CTNNA2: variants seen among roughly 807,000 people sequenced by gnomAD.
CTNNA2 encodes catenin alpha 2.
Under a neutral mutation model 101.0 loss-of-function variants are expected in CTNNA2, and 42 were observed. The ratio of observed to expected loss-of-function variants is 0.42; its 90% CI spans 0.32 to 0.54. The LOEUF (loss-of-function observed/expected upper bound fraction) is 0.54. CTNNA2 is among the 20% of genes least tolerant of loss of function. The pLI is 0.14. For missense variants in CTNNA2, 871 were observed against 1,223.1 expected (o/e 0.71, Z 4.29); for synonymous variants, 450 against 456.4 (o/e 0.99, Z 0.18).
intron 7 of CTNNA2, among the ~76,000 whole-genome samples, chr2:79,984,414 G>C (rs993424016): frequency 6.6e-6 from 1 of 152,138 alleles, no homozygotes; most frequent in Admixed American, 6.6e-5. Context: ...GGCTGATTGT[G>C]CTCATTTATC....
At chr2:79,706,314 G>A (rs992063488) in intron 2 of CTNNA2, among the ~76,000 whole-genome samples, 2 of 136,084 alleles carry the variant, frequency 1.5e-5, no homozygotes, top group African/African-American at 5.6e-5. Context: ...AGTGAGCCGA[G>A]ATCACGCCAC....
chr2:79,412,290 A>G (rs896204625), intron 4 of CTNNA2, among the ~76,000 whole-genome samples: 1 of 152,138 alleles, frequency 6.6e-6, no homozygotes, highest in African/African-American at 2.4e-5. Context: ...CCACATAATA[A>G]TAATGGGAGA....
chr2:80,517,171 C>T (rs542876029), intron 9 of CTNNA2, among the ~76,000 whole-genome samples: 1 of 152,306 alleles, frequency 6.6e-6, no homozygotes, highest in East Asian at 1.9e-4. Context: ...AATGGGAGAG[C>T]ATAAGTGTGC....
At chr2:79,555,281 A>C (rs921698651) in intron 1 of CTNNA2, among the ~76,000 whole-genome samples, 2 of 152,148 alleles carry the variant, frequency 1.3e-5, no homozygotes, top group African/African-American at 4.8e-5. Flanking sequence ...ACTGGAATAT[A>C]GTGTAGCTGA....
At chr2:80,080,531 G>T (rs559716269) in intron 7 of CTNNA2, among the ~76,000 whole-genome samples, 7 of 152,210 alleles carry the variant, frequency 4.6e-5, no homozygotes, top group Non-Finnish European at 7.3e-5. Flanking sequence ...AAACATGGGA[G>T]AATAGCTTTG....
chr2:79,933,121 G>T (rs1426904812), intron 7 of CTNNA2, among the ~76,000 whole-genome samples: 2 of 152,078 alleles, frequency 1.3e-5, no homozygotes, highest in African/African-American at 4.8e-5. Context: ...TAGGGTTTTT[G>T]TTTTCTGTGT....
At chr2:79,840,947 T>C (rs1449267135) in intron 3 of CTNNA2, among the ~76,000 whole-genome samples, 2 of 152,108 alleles carry the variant, frequency 1.3e-5, no homozygotes, top group Non-Finnish European at 2.9e-5. Flanking sequence ...TTTTTTGTAT[T>C]TTTAGTAGAG....
At chr2:80,532,476 A>T (rs1034007206) in intron 9 of CTNNA2, among the ~76,000 whole-genome samples, 1 of 152,144 alleles carries the variant, frequency 6.6e-6, no homozygotes, top group Non-Finnish European at 1.5e-5. Context: ...ATGTTCAATT[A>T]ACCCTTATTT....
At chr2:79,369,558 C>G (rs1182494747) in intron 3 of CTNNA2, among the ~76,000 whole-genome samples, 4 of 152,158 alleles carry the variant, frequency 2.6e-5, no homozygotes, top group African/African-American at 9.7e-5. Context: ...GGCACCTGCT[C>G]AGCAACCTAC....
chr2:80,224,256 C>T (rs1558919042), intron 7 of CTNNA2, among the ~76,000 whole-genome samples: 1 of 152,110 alleles, frequency 6.6e-6, no homozygotes, highest in Non-Finnish European at 1.5e-5. Flanking sequence ...TCATTAGCAC[C>T]CACCCTTACC....
chr2:80,595,805 C>T (rs981896217), intron 15 of CTNNA2, among the ~76,000 whole-genome samples: 1 of 152,082 alleles, frequency 6.6e-6, no homozygotes, highest in Admixed American at 6.6e-5. Flanking sequence ...CATGATGCCT[C>T]CAGCTTTGTC....
intron 1 of CTNNA2, among the ~76,000 whole-genome samples, chr2:79,519,228 C>CA (rs35330716): frequency 0.077 from 3,866 of 50,206 alleles, 162 homozygotes; most frequent in African/African-American, 0.17. Context: ...GACTCCGTCT[C>CA]AAAAAAAAAA....
At chr2:79,569,388 G>GGA in intron 1 of CTNNA2, among the ~76,000 whole-genome samples, 1 of 152,130 alleles carries the variant, frequency 6.6e-6, no homozygotes, top group Non-Finnish European at 1.5e-5. Context: ...AATGTCCTGA[G>GGA]GACTGAGAAA....
chr2:79,678,804 G>A (rs917457587), intron 2 of CTNNA2, among the ~76,000 whole-genome samples: 5 of 152,190 alleles, frequency 3.3e-5, no homozygotes, highest in South Asian at 2.1e-4. Context: ...ATTAGGCTCA[G>A]AGAAAAGTTT....
intron 8 of CTNNA2, among the ~76,000 whole-genome samples, chr2:80,411,244 G>C (rs961811003): frequency 1.3e-5 from 2 of 152,168 alleles, no homozygotes; most frequent in African/African-American, 4.8e-5. Context: ...TCATCAAATA[G>C]ATTGTTGAAG....
At chr2:79,412,197 A>G (rs1678421574) in intron 4 of CTNNA2, among the ~76,000 whole-genome samples, 1 of 152,162 alleles carries the variant, frequency 6.6e-6, no homozygotes, top group Admixed American at 6.6e-5. Context: ...AGAGCTAACT[A>G]TCCGAAATAT....
At chr2:79,466,530 G>A (rs889648495) in intron 4 of CTNNA2, among the ~76,000 whole-genome samples, 1 of 152,200 alleles carries the variant, frequency 6.6e-6, no homozygotes, top group Admixed American at 6.5e-5. Context: ...GAAGAGAGTA[G>A]TGGTTCTCCC....
intron 1 of CTNNA2, among the ~76,000 whole-genome samples, chr2:79,548,623 C>T (rs931299154): frequency 6.6e-6 from 1 of 152,224 alleles, no homozygotes; most frequent in African/African-American, 2.4e-5. Flanking sequence ...TAATGCATCA[C>T]TTATTTGTAT....
intron 7 of CTNNA2, among the ~76,000 whole-genome samples, chr2:79,986,497 C>A (rs1691772780): frequency 6.6e-6 from 1 of 152,028 alleles, no homozygotes; most frequent in Non-Finnish European, 1.5e-5. Flanking sequence ...AACAAAGGAT[C>A]CATTCTGCAG....
Sources: allele counts gnomAD v4.1 joint callset (sites outside exome capture counted in the v4.1 genomes callset), GRCh38; gene constraint gnomAD v4.1.1; transcripts MANE v1.5; gene names NCBI Gene and HGNC (gene_info 2026-07-23, HGNC 2026-07-21).